SEPTIN11: variants seen among roughly 807,000 people sequenced by gnomAD.
The protein encoded by SEPTIN11 is septin-11.
SEPTIN11 carries 25 observed loss-of-function variants against 51.4 expected under a neutral mutation model. The ratio of observed to expected loss-of-function variants is 0.49; its 90% CI spans 0.35 to 0.68. SEPTIN11 has a LOEUF of 0.68. SEPTIN11 is among the 30% of genes least tolerant of loss of function. The pLI is 0.00. For synonymous variants in SEPTIN11, 174 were observed against 184.1 expected (o/e 0.95, Z 0.44); for missense variants, 381 against 520.8 (o/e 0.73, Z 2.61).
Position 77,038,069 on chromosome 4 carries a change from A to G in SEPTIN11, c.*3557A>G, listed in dbSNP as rs1436439223. On this transcript the variant is annotated 3_prime_UTR_variant, in exon 10 of 10. Transcript: ENST00000264893. ...CTGTGTGGTCCTACAAAAACTGTCC[A>G]TTCCCACCCCTTTGCTTTGCCATTT... The G allele has an allele frequency of 1.0e-6, 1 of 985,710 alleles. No individual in the cohort carries two copies. The highest frequency in any genetic ancestry group is 1.7e-5 in the African/African-American group (1 of 57,228). The allele number at this position is 985,710 out of a possible 1,614,324, so 61.1% of individuals were successfully genotyped here.
At chr4:76,980,538 A>C (rs899671264) in intron 1 of SEPTIN11, among the ~76,000 whole-genome samples, 1 of 152,170 alleles carries the variant, frequency 6.6e-6, no homozygotes, top group African/African-American at 2.4e-5. Flanking sequence ...AAGTGTGTAC[A>C]TTTGGTGCAG....
chr4:77,020,756 AGATGGTG>A lies in SEPTIN11; in HGVS notation c.953+87_953+93del. The A allele has an allele frequency of 9.4e-6, 12 of 1,282,868 alleles. No homozygotes were observed. The South Asian group carries it at 1.7e-4, about 18-fold the overall frequency. The allele number at this position is 1,282,868 out of a possible 1,614,324, so 79.5% of individuals were successfully genotyped here. A position where few individuals can be genotyped will look rare whatever the true frequency, so the allele number is the denominator to read the frequency against. On this transcript the variant is annotated intron_variant, in intron 7 of 9. Transcript: ENST00000264893. ...CATCACAGAAATGCTTGCTGGATTG[AGATGGTG>A]ATGATGGAAGGATCTGGTGGGTGAA...
intron 1 of SEPTIN11, among the ~76,000 whole-genome samples, chr4:76,990,154 C>T (rs1186853393): frequency 6.6e-6 from 1 of 151,962 alleles, no homozygotes; most frequent in Non-Finnish European, 1.5e-5. Context: ...TTTTTCAATC[C>T]TCCCCGCGAT....
chr4:76,999,175 GT>G (rs1723943539), intron 2 of SEPTIN11, among the ~76,000 whole-genome samples: 1 of 152,188 alleles, frequency 6.6e-6, no homozygotes, highest in Admixed American at 6.5e-5. Context: ...GGAGCCCCTT[GT>G]TTGGGGCCAG....
chr4:76,986,267 T>A (rs1403715372), intron 1 of SEPTIN11, among the ~76,000 whole-genome samples: 2 of 151,896 alleles, frequency 1.3e-5, no homozygotes, highest in Non-Finnish European at 2.9e-5. Flanking sequence ...CTATTTGGCG[T>A]GAAAAAAATA....
intron 1 of SEPTIN11, among the ~76,000 whole-genome samples, chr4:76,952,617 G>C (rs1251753932): frequency 6.6e-6 from 1 of 152,188 alleles, no homozygotes; most frequent in African/African-American, 2.4e-5. Context: ...GCTAAATTCA[G>C]GTAAGTTTCT....
intron 1 of SEPTIN11, among the ~76,000 whole-genome samples, chr4:76,980,261 T>C (rs1325625047): frequency 6.6e-6 from 1 of 152,238 alleles, no homozygotes; most frequent in Non-Finnish European, 1.5e-5. Flanking sequence ...GTACATTTAT[T>C]GGTGCTCTGT....
At chr4:77,025,772 G>A (rs1289442582) in intron 7 of SEPTIN11, among the ~76,000 whole-genome samples, 1 of 152,080 alleles carries the variant, frequency 6.6e-6, no homozygotes, top group East Asian at 1.9e-4. Flanking sequence ...AGGTTTTATG[G>A]CTTCTGTCTT....
Position 77,037,698 on chromosome 4 carries a change from A to G in SEPTIN11, c.*3186A>G, listed in dbSNP as rs1440365322. 2 of 985,816 alleles carry G rather than the reference A, an allele frequency of 2.0e-6. No homozygotes were observed. The highest frequency in any genetic ancestry group is 2.4e-6 in the Non-Finnish European group (2 of 829,920). The allele number at this position is 985,816 out of a possible 1,614,324, so 61.1% of individuals were successfully genotyped here. ...TCTTTTTGCTTCTTCTGAACTTTAG[A>G]TCTCCATAACACATGTACTGTAGAA... On this transcript the variant is annotated 3_prime_UTR_variant, in exon 10 of 10. Transcript: ENST00000264893.
At chr4:76,950,882 G>A (rs1372036771) in intron 1 of SEPTIN11, among the ~76,000 whole-genome samples, 4 of 152,236 alleles carry the variant, frequency 2.6e-5, no homozygotes, top group Non-Finnish European at 5.9e-5. Flanking sequence ...GGGTGGGAAA[G>A]GCGGAGTCCT....
chr4:76,965,657 T>G (rs1722008528), intron 1 of SEPTIN11, among the ~76,000 whole-genome samples: 1 of 152,064 alleles, frequency 6.6e-6, no homozygotes, highest in Non-Finnish European at 1.5e-5. Flanking sequence ...ACAGACACAT[T>G]GAAGGAAATA....
chr4:76,995,987 G>A, intron 1 of SEPTIN11: 6 of 1,504,384 alleles, frequency 4.0e-6, no homozygotes, highest in Non-Finnish European at 5.4e-6. Context: ...CCTCCACTGT[G>A]AGCTTTTCAA....
At chr4:76,961,407 A>G (rs1166816151) in intron 1 of SEPTIN11, among the ~76,000 whole-genome samples, 1 of 152,180 alleles carries the variant, frequency 6.6e-6, no homozygotes, top group Non-Finnish European at 1.5e-5. Context: ...TATTTCCGCT[A>G]CAAAACATTC....
Position 77,005,758 on chromosome 4 carries a change from C to T in SEPTIN11, c.300C>T (p.Asp100=). 1.2e-6 allele frequency: 2 copies of T among 1,613,820 alleles called. No homozygotes were observed. Among genetic ancestry groups the T allele is most frequent in the Non-Finnish European group, 1.7e-6 (2 of 1,179,858 alleles). Residue 100 remains aspartate (D), a synonymous_variant, in exon 3 of 10, where the codon GAC becomes GAT. Coordinates refer to ENST00000264893, the MANE Select transcript of SEPTIN11 (RefSeq NM_018243.4). ...TACGGCTGAAGTTAACCATTGTTGA[C>T]ACCGTGGGATTTGGAGACCAGATAA... ...SNVRLKLTIV[D]TVGFGDQINK...
downstream of SEPTIN11, chr4:77,038,688 A>G (rs1727197717): frequency 1.0e-5 from 10 of 1,004,918 alleles, no homozygotes; most frequent in Non-Finnish European, 1.2e-5. Flanking sequence ...TTACTGGATA[A>G]AAGAAATAGG....
At chr4:77,031,003 C>T in intron 9 of SEPTIN11, 33 bp downstream of exon 9, 1 of 1,562,726 alleles carries the variant, frequency 6.4e-7, no homozygotes, top group South Asian at 1.2e-5. Flanking sequence ...TATCGGGGAC[C>T]TCTAACAATT....
intron 1 of SEPTIN11, among the ~76,000 whole-genome samples, chr4:76,990,413 A>G (rs1202105988): frequency 1.3e-5 from 2 of 152,180 alleles, no homozygotes; most frequent in East Asian, 3.9e-4. Context: ...AGTACACTCT[A>G]GGATGGAGTC....
At chr4:76,991,558 G>C (rs1156540468) in intron 1 of SEPTIN11, among the ~76,000 whole-genome samples, 6 of 140,780 alleles carry the variant, frequency 4.3e-5, no homozygotes, top group Admixed American at 2.2e-4. Context: ...ACATTCATAA[G>C]AAAGTGACCT....
chr4:77,007,920 G>A (rs2109951427), intron 3 of SEPTIN11, among the ~76,000 whole-genome samples: 1 of 152,292 alleles, frequency 6.6e-6, no homozygotes, highest in Non-Finnish European at 1.5e-5. Flanking sequence ...ATATGGAAAG[G>A]GATGTGGTAT....
Sources: allele counts gnomAD v4.1 joint callset (sites outside exome capture counted in the v4.1 genomes callset), GRCh38; gene constraint gnomAD v4.1.1; transcripts MANE v1.5; gene names NCBI Gene and HGNC (gene_info 2026-07-23, HGNC 2026-07-21).